DOCK6: variants seen among roughly 807,000 people sequenced by gnomAD.
DOCK6 encodes dedicator of cytokinesis protein 6.
DOCK6 carries 167 observed loss-of-function variants against 230.3 expected under a neutral mutation model. The observed-to-expected ratio is 0.73, with a 90% confidence interval of 0.64 to 0.82. The LOEUF (loss-of-function observed/expected upper bound fraction) is 0.82, where lower values mean the gene tolerates loss of function less well. DOCK6 is among the 40% of genes least tolerant of loss of function. DOCK6 has a pLI of 0.00. For missense variants in DOCK6, 2,598 were observed against 2,825.8 expected (o/e 0.92, Z 1.83); for synonymous variants, 1,148 against 1,185.0 (o/e 0.97, Z 0.64).
In DOCK6 at chr19:11,238,144, T is replaced by C. The variant is rs1003605654; in HGVS notation, c.1762-29A>G. On this transcript the variant is annotated intron_variant, in intron 15 of 47. Transcript: ENST00000294618. ...GGAGAGTGGATTCATGAGGGACCCA[T>C]GGGGGATGCCCTACCCCCCTTCCCT... The C allele has an allele frequency of 1.9e-6, 3 of 1,613,582 alleles. No individual in the cohort carries two copies. In the African/African-American group the frequency reaches 4.0e-5, roughly 22 times the overall value.
rs770443638 is a variant in DOCK6 at position 11,250,907 on chromosome 19, C to T, written c.687G>A (p.Pro229=). The T allele has an allele frequency of 4.0e-5, 64 of 1,605,924 alleles. No homozygotes were observed. In the Middle Eastern group the frequency reaches 7.0e-4, roughly 18 times the overall value. ...NETLRRQHRP[P]ALLTLYPAPD... ...GTGCCGGGTAGAGGGTGAGCAGGGC[C>T]GGGGGCCGGTGCTGCCGTCGAAGGG... The change falls in exon 6 of 48, where the codon CCG becomes CCA. Residue 229 remains proline, a synonymous_variant. Coordinates refer to ENST00000294618, the MANE Select transcript of DOCK6 (RefSeq NM_020812.4).
In DOCK6 at chr19:11,222,634, G is replaced by T; in HGVS notation, c.3240+101C>A. On this transcript the variant is annotated intron_variant, in intron 26 of 47. Coordinates refer to ENST00000294618, the MANE Select transcript of DOCK6 (RefSeq NM_020812.4). The surrounding 1 kb of genome is among the most constrained non-coding windows in gnomAD (Gnocchi z 4.0). Reference sequence around the variant, plus strand: ...TAAGGGATTAGTTCACCTAGGCAGTGGTCCACCGTGAAAGGGACAGAGATG... The same window carrying T: ...TAAGGGATTAGTTCACCTAGGCAGTTGTCCACCGTGAAAGGGACAGAGATG... 1 of 1,256,900 alleles carries T rather than the reference G, an allele frequency of 8.0e-7. No individual in the cohort carries two copies. Among genetic ancestry groups the T allele is most frequent in the South Asian group, 1.5e-5 (1 of 66,454 alleles). The allele number at this position is 1,256,900 out of a possible 1,614,324, so 77.9% of individuals were successfully genotyped here.
In DOCK6 at chr19:11,260,218, T is replaced by C. The variant is rs967068630; in HGVS notation, c.44+2179A>G. Reference sequence around the variant, plus strand: ...TCTACTCTTACCCTGAGCTCTACAGTATCCAAAACCCCTCTTTCTCACTTG... The same window carrying C: ...TCTACTCTTACCCTGAGCTCTACAGCATCCAAAACCCCTCTTTCTCACTTG... On this transcript the variant is annotated intron_variant, in intron 1 of 47. Coordinates refer to ENST00000294618, the MANE Select transcript of DOCK6 (RefSeq NM_020812.4). Among the ~76,000 whole-genome samples, 3 of 152,046 alleles carry C rather than the reference T, an allele frequency of 2.0e-5. No individual in the cohort carries two copies. The East Asian group carries it at 5.8e-4, about 29-fold the overall frequency.
At chr19:11,259,023 A>G (rs556548269) in intron 1 of DOCK6, among the ~76,000 whole-genome samples, 34 of 152,024 alleles carry the variant, frequency 2.2e-4, no homozygotes, top group South Asian at 8.3e-4. Flanking sequence ...TGCTCGGATT[A>G]TAGGCATGAG....
intron 31 of DOCK6, 27 bp from the exon 32 acceptor site, chr19:11,215,498 G>A (rs2079469886): frequency 1.3e-6 from 2 of 1,596,070 alleles, no homozygotes; most frequent in African/African-American, 2.7e-5. Flanking sequence ...CACGATCACA[G>A]ATGCGTAAAA....
chr19:11,244,189 A>G lies in DOCK6; in HGVS notation c.1024-307T>C, dbSNP rs2079996838. 1.3e-5 allele frequency among the ~76,000 whole-genome samples: 2 copies of G among 150,914 alleles called. 1 individual carries two copies. The highest frequency in any genetic ancestry group is 4.1e-4 in the South Asian group (2 of 4,828). On this transcript the variant is annotated intron_variant, in intron 9 of 47. Transcript: ENST00000294618. ...ATGTATGTATGTATGTATGTATTATATAGAGACAGGGGTCTCGCTATGTTG... is the reference window on the plus strand; with the variant it reads ...ATGTATGTATGTATGTATGTATTATGTAGAGACAGGGGTCTCGCTATGTTG...
chr19:11,238,457 TAC>T, intron 14 of DOCK6, 153 bp from the exon 15 acceptor site: 1 of 656,792 alleles, frequency 1.5e-6, no homozygotes, highest in Non-Finnish European at 2.7e-6. Context: ...TGAGAGGTAA[TAC>T]AGGTATCAGT....
In DOCK6 at chr19:11,202,423, C is replaced by T. The variant is rs1279332774; in HGVS notation, c.5422G>A (p.Val1808Met). Residue 1808 changes from valine (V) to methionine (M), a missense_variant, in exon 43 of 48, where the codon GTG becomes ATG. By Grantham distance (21) the Val-to-Met change is conservative. Coordinates refer to ENST00000294618, the MANE Select transcript of DOCK6 (RefSeq NM_020812.4). The surrounding 1 kb of genome is among the most constrained non-coding windows in gnomAD (Gnocchi z 5.3). Reference sequence around the variant, plus strand: ...TGTGAGTCAAGCTTGGACTTGTCCACAGGGTTAGAGTCTTTGATAATCTCA... The same window carrying T: ...TGTGAGTCAAGCTTGGACTTGTCCATAGGGTTAGAGTCTTTGATAATCTCA... ...VVEIIKDSNP[V>M]DKSKLDSQKA... 2 of 1,613,726 alleles carry T rather than the reference C, an allele frequency of 1.2e-6. No individual in the cohort carries two copies. Among genetic ancestry groups the T allele is most frequent in the Admixed American group, 1.7e-5 (1 of 60,008 alleles).
At chr19:11,256,550 T>G (rs867701406) in intron 1 of DOCK6, among the ~76,000 whole-genome samples, 1 of 152,342 alleles carries the variant, frequency 6.6e-6, no homozygotes. Context: ...TCTTGAGCTG[T>G]TCTGAGTGTA....
Position 11,252,158 on chromosome 19 carries a change from C to T in DOCK6, c.468G>A (p.Gln156=), listed in dbSNP as rs755789158. ...CGGACCTCTCGTCTCCAGAAGCATC[C>T]TGCTCAAAGACCTGGCGGGGGAGGC... ...QKGLPRQVFE[Q]DASGDERSGP... is the part of the protein sequence containing the mutation. The change falls in exon 5 of 48, where the codon CAG becomes CAA. Residue 156 remains glutamine, a synonymous_variant. Transcript: ENST00000294618. The T allele has an allele frequency of 5.0e-6, 8 of 1,587,932 alleles. No homozygotes were observed. The South Asian group carries it at 9.2e-5, about 18-fold the overall frequency.
chr19:11,229,303 G>A (rs1197751088), intron 22 of DOCK6: 3 of 1,233,168 alleles, frequency 2.4e-6, no homozygotes, highest in Non-Finnish European at 3.1e-6. Flanking sequence ...ACTACCTTCT[G>A]CACAGTGGGT....
chr19:11,252,423 A>G (rs919681489), intron 4 of DOCK6, 59 bp downstream of exon 4: 5 of 1,598,816 alleles, frequency 3.1e-6, no homozygotes, highest in Admixed American at 3.3e-5. Flanking sequence ...CCGGCTGCAG[A>G]CATCAGCTCA....
chr19:11,230,485 A>G (rs1008450263), intron 22 of DOCK6, among the ~76,000 whole-genome samples: 39 of 152,206 alleles, frequency 2.6e-4, no homozygotes, highest in African/African-American at 9.4e-4. Flanking sequence ...GAATGGGTAC[A>G]TGGTGTGTGG....
intron 3 of DOCK6, 43 bp from the exon 4 acceptor site, chr19:11,252,593 G>A (rs1018273161): frequency 9.3e-6 from 15 of 1,612,164 alleles, no homozygotes; most frequent in Non-Finnish European, 1.3e-5. Context: ...CAAGGCCTCT[G>A]TGAATCCTTC....
Position 11,236,719 on chromosome 19 carries a change from G to T in DOCK6, c.2160+74C>A. Reference sequence around the variant, plus strand: ...TGAGGCCAGACCTCCCCGGCCATCGGCAACTGTTACTCAATCGTAGGGCAG... The same window carrying T: ...TGAGGCCAGACCTCCCCGGCCATCGTCAACTGTTACTCAATCGTAGGGCAG... On this transcript the variant is annotated intron_variant, in intron 19 of 47. Coordinates refer to ENST00000294618, the MANE Select transcript of DOCK6 (RefSeq NM_020812.4). This position sits in a 1 kb window ranked among gnomAD's most constrained non-coding sequence, Gnocchi z 5.2. 6.5e-7 allele frequency: 1 copy of T among 1,533,294 alleles called. No individual in the cohort carries two copies. The highest frequency in any genetic ancestry group is 2.0e-5 in the Admixed American group (1 of 50,756). 95.0% of individuals were successfully genotyped at this position (1,533,294 alleles called of 1,614,324 possible).
At chr19:11,248,610 C>T (rs921508054) in intron 6 of DOCK6, among the ~76,000 whole-genome samples, 11 of 152,226 alleles carry the variant, frequency 7.2e-5, no homozygotes, top group Middle Eastern at 6.8e-3. Flanking sequence ...TGGGCAGGCA[C>T]CTCTTTCGGG....
chr19:11,242,221 A>T lies in DOCK6; in HGVS notation c.1481-14T>A. The T allele has an allele frequency of 6.9e-7, 1 of 1,446,182 alleles. No homozygotes were observed. The highest frequency in any genetic ancestry group is 9.1e-7 in the Non-Finnish European group (1 of 1,101,190). 89.6% of individuals were successfully genotyped at this position (1,446,182 alleles called of 1,614,324 possible). On this transcript the variant is annotated splice_polypyrimidine_tract_variant and intron_variant, in intron 13 of 47. Transcript: ENST00000294618. ...TCTTGAGCTGGGCTGGGAAGGGAAG[A>T]ACCGGTTTGCACCTGCCTGGGAGCC...
At chr19:11,216,278 GGGTTTTAC>G in intron 30 of DOCK6, 1 of 192,664 alleles carries the variant, frequency 5.2e-6, no homozygotes, top group South Asian at 1.0e-4. Context: ...CGTAGAGATG[GGGTTTTAC>G]CATGCTGCCC....
intron 22 of DOCK6, among the ~76,000 whole-genome samples, chr19:11,232,530 T>A (rs2079781871): frequency 6.6e-6 from 1 of 152,152 alleles, no homozygotes; most frequent in South Asian, 2.1e-4. Flanking sequence ...GGTGCATGTG[T>A]ATACACACCC....
Sources: gnomAD v4.1 joint callset for allele counts (sites outside exome capture counted in the v4.1 genomes callset) on GRCh38, gnomAD v4.1.1 for gene constraint, Gnocchi (gnomAD v3.1) non-coding constraint, MANE v1.5 for transcripts, NCBI Gene and HGNC (gene_info 2026-07-23, HGNC 2026-07-21) for gene names.